TELO2: variants seen among roughly 807,000 people sequenced by gnomAD.
The protein encoded by TELO2 is telomere maintenance 2.
In TELO2, 71 loss-of-function variants were observed where a neutral mutation model predicts 91.0. That is an observed-to-expected ratio of 0.78 (90% CI 0.64 to 0.95). The LOEUF (loss-of-function observed/expected upper bound fraction) is 0.95, where lower values mean the gene tolerates loss of function less well. TELO2 is among the 40% of genes least tolerant of loss of function. The pLI is 0.00. For synonymous variants in TELO2, 584 were observed against 518.9 expected, an observed-to-expected ratio of 1.13 and a Z score of -1.71; for missense variants, 1,183 against 1,141.3, an observed-to-expected ratio of 1.04 and a Z score of -0.53.
At position 1,494,816 on chromosome 16, in the gene TELO2, C is replaced by T. The variant is rs184208114; in HGVS notation, c.335+200C>T. Among the ~76,000 whole-genome samples, 43 of 152,308 alleles carry T rather than the reference C, an allele frequency of 2.8e-4. No homozygotes were observed. In the East Asian group the frequency reaches 8.3e-3, roughly 29 times the overall value. ...AGGCACCTGCTGTGTCTCACAAAGT[C>T]CCCCACTTGCTCCCCGTCCGGCTGT... On this transcript the variant is annotated intron_variant, in intron 2 of 20. Coordinates refer to ENST00000262319, the MANE Select transcript of TELO2 (RefSeq NM_016111.4). The surrounding 1 kb of genome is among the most constrained non-coding windows in gnomAD (Gnocchi z 5.6).
At position 1,495,441 on chromosome 16, in the gene TELO2, A is replaced by G. The variant is rs748127959; in HGVS notation, c.431A>G (p.Gln144Arg). The change falls in exon 3 of 21, where the codon CAG becomes CGG. Residue 144 changes from glutamine (Q) to arginine (R), a missense_variant. Transcript: ENST00000262319. The stretch of plus-strand genomic sequence containing the variant: ...CTGATGGAGGCGCAGTGTCGGCAGC[A>G]GACGCAGCCCGGCTTCATCCTGCTC... ...AVLMEAQCRQ[Q>R]TQPGFILLRE... is the part of the protein sequence containing the mutation. The G allele has an allele frequency of 1.8e-5, 29 of 1,603,776 alleles. No individual in the cohort carries two copies. Among genetic ancestry groups the G allele is most frequent in the Middle Eastern group, 1.7e-4 (1 of 5,846 alleles).
At chr16:1,502,908 C>G in intron 14 of TELO2, 23 bp from the exon 15 acceptor site, 1 of 1,609,494 alleles carries the variant, frequency 6.2e-7, no homozygotes, top group South Asian at 1.1e-5. Flanking sequence ...CGGACCACAG[C>G]AGCCTCTCCC....
intron 15 of TELO2, 43 bp downstream of exon 15, chr16:1,503,045 C>A: frequency 6.2e-7 from 1 of 1,602,920 alleles, no homozygotes; most frequent in Non-Finnish European, 8.5e-7. Context: ...CTGGCCCAAG[C>A]TGCCCTAAGG....
At chr16:1,498,316 A>T (rs975985869) in intron 5 of TELO2, among the ~76,000 whole-genome samples, 4 of 152,134 alleles carry the variant, frequency 2.6e-5, no homozygotes, top group Non-Finnish European at 5.9e-5. Flanking sequence ...CACCCGGCTG[A>T]CTTTGCATTC....
chr16:1,504,710 A>G (rs1462834815), intron 15 of TELO2, among the ~76,000 whole-genome samples: 2 of 151,182 alleles, frequency 1.3e-5, no homozygotes, highest in Non-Finnish European at 1.5e-5. Context: ...GGCGCCCGCC[A>G]CCACGCCCGG....
In TELO2 at chr16:1,502,066, TACG is replaced by T; in HGVS notation, c.1495_1497del (p.Asp499del). ...CCACAGCGATGATGAGTTTGTCCCCTACGACATGTCGGGGGACAGAGAGCTGAA... is the reference window on the plus strand; with the variant it reads ...CCACAGCGATGATGAGTTTGTCCCCTACATGTCGGGGGACAGAGAGCTGAA... On this transcript the variant is annotated inframe_deletion, in exon 12 of 21. Transcript: ENST00000262319. 6.2e-7 allele frequency: 1 copy of T among 1,613,326 alleles called. No homozygotes were observed. Among genetic ancestry groups the T allele is most frequent in the Non-Finnish European group, 8.5e-7 (1 of 1,179,974 alleles).
chr16:1,497,166 G>A lies in TELO2; in HGVS notation c.682+62G>A, dbSNP rs980411709. 8 of 1,598,542 alleles carry A rather than the reference G, an allele frequency of 5.0e-6. No individual in the cohort carries two copies. In the African/African-American group the frequency reaches 9.4e-5, roughly 19 times the overall value. ...GACCCTCACAGCCCATCAGCCTTCT[G>A]CAGAAGGCCGAGAATCCCTCCTGAC... On this transcript the variant is annotated intron_variant, in intron 4 of 20. Coordinates refer to ENST00000262319, the MANE Select transcript of TELO2 (RefSeq NM_016111.4). The surrounding 1 kb of genome is among the most constrained non-coding windows in gnomAD (Gnocchi z 4.0).
rs779063796 is a variant in TELO2, at chr16:1,495,391, C to G, written c.381C>G (p.Phe127Leu). The change falls in exon 3 of 21, where the codon TTC becomes TTG. Residue 127 changes from phenylalanine to leucine, a missense_variant. Coordinates refer to ENST00000262319, the MANE Select transcript of TELO2 (RefSeq NM_016111.4). ...AGATGGCGCGGCTGCTGGCCAGATTCCTGCGCGAGGGCCGGCTGGCAGTGC... is the reference window on the plus strand; with the variant it reads ...AGATGGCGCGGCTGCTGGCCAGATTGCTGCGCGAGGGCCGGCTGGCAGTGC... ...LMKMARLLAR[F>L]LREGRLAVLM... The G allele has an allele frequency of 6.4e-7, 1 of 1,574,256 alleles. No individual in the cohort carries two copies. The highest frequency in any genetic ancestry group is 2.4e-5 in the East Asian group (1 of 42,390).
In TELO2 at chr16:1,493,909, G is replaced by T. The variant is rs1047465549; in HGVS notation, c.-37+304G>T. 2.6e-5 allele frequency among the ~76,000 whole-genome samples: 4 copies of T among 152,244 alleles called. No homozygotes were observed. Among genetic ancestry groups the T allele is most frequent in the African/African-American group, 4.8e-5 (2 of 41,464 alleles). ...AGTTTCCCGCCTTGGGTGCGAGGAC[G>T]CGTGGGGCCGCGCTGTGCCCGGGGA... On this transcript the variant is annotated intron_variant, in intron 1 of 20. Coordinates refer to ENST00000262319, the MANE Select transcript of TELO2 (RefSeq NM_016111.4). The surrounding 1 kb of genome is among the most constrained non-coding windows in gnomAD (Gnocchi z 4.3).
At chr16:1,509,759 A>G in intron 20 of TELO2, 71 bp from the exon 21 acceptor site, 1 of 1,431,836 alleles carries the variant, frequency 7.0e-7, no homozygotes, top group Non-Finnish European at 9.5e-7. Flanking sequence ...GTTCAGGCAG[A>G]CTGAAGACAG....
rs1487016640 is a variant in TELO2, at chr16:1,501,410, C to T, written c.1282-10C>T. 1.6e-5 allele frequency: 25 copies of T among 1,611,894 alleles called. No homozygotes were observed. The highest frequency in any genetic ancestry group is 2.2e-5 in the East Asian group (1 of 44,854). ...TGGCGGATGCCGCTGAGCCTGCTCC[C>T]CTGCTGTAGTACGAAGAGGATGAAC... On this transcript the variant is annotated splice_polypyrimidine_tract_variant and intron_variant, in intron 9 of 20. Coordinates refer to ENST00000262319, the MANE Select transcript of TELO2 (RefSeq NM_016111.4).
intron 2 of TELO2, 81 bp from the exon 3 acceptor site, chr16:1,495,265 C>T (rs901388074): frequency 1.9e-5 from 28 of 1,470,380 alleles, no homozygotes; most frequent in Admixed American, 1.7e-4. Context: ...CCGTGTAATC[C>T]GGGCTGCTGG....
chr16:1,499,804 A>G (rs1229752171), intron 6 of TELO2, among the ~76,000 whole-genome samples: 1 of 152,208 alleles, frequency 6.6e-6, no homozygotes, highest in African/African-American at 2.4e-5. Context: ...AGAACTTAAG[A>G]TGGCGAGGCC....
At position 1,501,475 on chromosome 16, in the gene TELO2, C is replaced by T. The variant is rs778573781; in HGVS notation, c.1337C>T (p.Ala446Val). 79 of 1,610,470 alleles carry T rather than the reference C, an allele frequency of 4.9e-5. No homozygotes were observed. In the Admixed American group the frequency reaches 8.0e-4, roughly 16 times the overall value. Residue 446 changes from alanine to valine, a missense_variant, in exon 10 of 21, where the codon GCG (alanine) becomes GTG (valine). By Grantham distance (64) the Ala-to-Val change is moderately conservative. Transcript: ENST00000262319. The part of the protein sequence containing the change: ...ELLALASPQP[A>V]GDGASEAGTS... The stretch of plus-strand genomic sequence containing the variant: ...CTGGCCTTGGCCTCCCCCCAGCCTG[C>T]GGGTGACGGCGCCTCGGAGGCGGGG...
intron 2 of TELO2, 137 bp from the exon 3 acceptor site, chr16:1,495,209 C>G: frequency 8.1e-7 from 1 of 1,241,698 alleles, no homozygotes. Flanking sequence ...TTTTCCCATC[C>G]GGCTTGTGGT....
chr16:1,496,988 TTG>T, intron 3 of TELO2, 46 bp from the exon 4 acceptor site: 1 of 1,591,356 alleles, frequency 6.3e-7, no homozygotes, highest in Non-Finnish European at 8.6e-7. Context: ...AGATGTTCTT[TTG>T]TGCCTTCCCG....
intron 3 of TELO2, among the ~76,000 whole-genome samples, chr16:1,496,508 T>C (rs2039498108): frequency 2.0e-5 from 3 of 152,254 alleles, no homozygotes. Flanking sequence ...CTTTTTCACG[T>C]GTTCGGGGTT....
chr16:1,495,466 C>G lies in TELO2; in HGVS notation c.456C>G (p.Leu152=). 6.2e-7 allele frequency: 1 copy of G among 1,609,730 alleles called. No individual in the cohort carries two copies. Among genetic ancestry groups the G allele is most frequent in the South Asian group, 1.1e-5 (1 of 90,830 alleles). ...AGACGCAGCCCGGCTTCATCCTGCTCCGGGAGACGCTGCTGGGCAAGGTGG... is the reference window on the plus strand; with the variant it reads ...AGACGCAGCCCGGCTTCATCCTGCTGCGGGAGACGCTGCTGGGCAAGGTGG... ...RQQTQPGFIL[L]RETLLGKVVA... Residue 152 remains leucine, a synonymous_variant, in exon 3 of 21, where the codon CTC becomes CTG. Coordinates refer to ENST00000262319, the MANE Select transcript of TELO2 (RefSeq NM_016111.4).
In TELO2 at chr16:1,493,375, C is replaced by A. The variant is rs1019039716; in HGVS notation, c.-267C>A. ...CAGCGCAGGCGCAGATGCGCCCTCC[C>A]GCCTGGCGTCCTCCGCAGATTCGCG... is the stretch of plus-strand genomic sequence containing the variant. On this transcript the variant is annotated 5_prime_UTR_variant, in exon 1 of 21. Transcript: ENST00000262319. The surrounding 1 kb of genome is among the most constrained non-coding windows in gnomAD (Gnocchi z 4.3). The A allele has an allele frequency of 1.3e-5, 2 of 152,302 alleles. No individual in the cohort carries two copies. Among genetic ancestry groups the A allele is most frequent in the Non-Finnish European group, 2.9e-5 (2 of 68,012 alleles). 9.4% of individuals were successfully genotyped at this position (152,302 alleles called of 1,614,324 possible).
Sources: allele counts gnomAD v4.1 joint callset (sites outside exome capture counted in the v4.1 genomes callset), GRCh38; gene constraint gnomAD v4.1.1; non-coding constraint Gnocchi (gnomAD v3.1); transcripts MANE v1.5; gene names NCBI Gene and HGNC (gene_info 2026-07-23, HGNC 2026-07-21).